LRRK1: variants seen among roughly 807,000 people sequenced by gnomAD.
LRRK1 encodes leucine rich repeat kinase 1, also known as leucine-rich repeat serine/threonine-protein kinase 1.
In LRRK1, 113 loss-of-function variants were observed where a neutral mutation model predicts 209.1. That is an observed-to-expected ratio of 0.54 (90% confidence interval 0.46 to 0.63). The LOEUF (loss-of-function observed/expected upper bound fraction) is 0.63. Ranked by LOEUF, LRRK1 falls within the 30% of genes least tolerant of loss-of-function variation. The pLI, the probability that LRRK1 is intolerant of heterozygous loss-of-function variation, is 0.00. For synonymous variants in LRRK1, 1,144 were observed against 1,099.7 expected (o/e 1.04, Z -0.80); for missense variants, 2,284 against 2,632.2 (o/e 0.87, Z 2.89).
intron 24 of LRRK1, 124 bp from the exon 25 acceptor site, chr15:101,052,798 G>A: frequency 3.3e-6 from 4 of 1,210,068 alleles, no homozygotes; most frequent in Non-Finnish European, 4.5e-6. Context: ...GGGTGGCCCA[G>A]ATCTGTCCAG....
chr15:100,983,547 C>T lies in LRRK1; in HGVS notation c.281C>T (p.Pro94Leu), dbSNP rs370948444. Reference sequence around the variant, plus strand: ...GACCAGGGCCAGCTTCTGAGCATCCCGGCAGCCTATGGGGATCTGGAGATG... The same window carrying T: ...GACCAGGGCCAGCTTCTGAGCATCCTGGCAGCCTATGGGGATCTGGAGATG... ...QLEKGQLLSI[P>L]AAYGDLEMVR... is the part of the protein sequence containing the mutation. Residue 94 changes from proline (P) to leucine (L), a missense_variant, in exon 4 of 34, where the codon CCG (proline) becomes CTG (leucine). Physicochemically the swap from Pro to Leu is moderately conservative, Grantham distance 98 (BLOSUM62 -3). This residue lies in a region of LRRK1 where 134 missense variants were observed against 191.7 expected (regional missense o/e 0.70). Coordinates refer to ENST00000388948, the MANE Select transcript of LRRK1 (RefSeq NM_024652.6). The T allele has an allele frequency of 6.2e-6, 10 of 1,603,508 alleles. No homozygotes were observed. In the African/African-American group the frequency reaches 6.7e-5, roughly 11 times the overall value.
rs199624259 is a variant in LRRK1, at chr15:101,051,908, G to C, written c.3637G>C (p.Val1213Leu). Residue 1213 changes from valine to leucine, a missense_variant, in exon 24 of 34, where the codon GTG becomes CTG. Around this residue, in one of 6 missense-constraint regions of LRRK1, gnomAD observed 780 missense variants for 985.2 expected, o/e 0.79. Coordinates refer to ENST00000388948, the MANE Select transcript of LRRK1 (RefSeq NM_024652.6). ...ISCPRHPDLP[V>L]PLQELVPELF... ...CTGCCCCAGACACCCGGACCTCCCC[G>C]TGCCGCTGCAGGAGCTGGTCCCTGA... 1.9e-6 allele frequency: 3 copies of C among 1,613,956 alleles called. No homozygotes were observed. The highest frequency in any genetic ancestry group is 2.2e-5 in the South Asian group (2 of 91,090).
rs773405155 is a variant in LRRK1, at chr15:101,065,621, G to A, written c.5184G>A (p.Glu1728=). 5.6e-6 allele frequency: 9 copies of A among 1,614,076 alleles called. No individual in the cohort carries two copies. The East Asian group carries it at 2.0e-4, about 36-fold the overall frequency. ...CCCTGGAGATCTGCAGGCGGCTGGA[G>A]CCCTACATGGCCCCCTCCATGGTTA... ...CASLEICRRL[E]PYMAPSMVTS... The change falls in exon 32 of 34, where the codon GAG becomes GAA. Residue 1728 remains glutamate, a synonymous_variant. Coordinates refer to ENST00000388948, the MANE Select transcript of LRRK1 (RefSeq NM_024652.6).
chr15:101,015,190 G>A (rs914092211), intron 11 of LRRK1, 136 bp from the exon 12 acceptor site: 26 of 671,156 alleles, frequency 3.9e-5, no homozygotes, highest in Non-Finnish European at 5.6e-5. Context: ...CCACTGCAGC[G>A]TGCGCCCCTG....
At position 101,008,142 on chromosome 15, in the gene LRRK1, C is replaced by CA. The variant is rs796213769; in HGVS notation, c.763-661dup. On this transcript the variant is annotated intron_variant, in intron 6 of 33. Coordinates refer to ENST00000388948, the MANE Select transcript of LRRK1 (RefSeq NM_024652.6). ...TGGGCGACAGAGCGAGACTCCATCT[C>CA]AAAAAAAAAAAAAAAAAAAAAAAAA... 4.2e-3 allele frequency among the ~76,000 whole-genome samples: 310 copies of CA among 74,136 alleles called. 9 individuals carry two copies. The highest frequency in any genetic ancestry group is 5.8e-3 in the African/African-American group (111 of 19,110). 48.6% of individuals were successfully genotyped at this position (74,136 alleles called of 152,430 possible).
At chr15:100,957,650 T>A (rs942302455) in intron 2 of LRRK1, among the ~76,000 whole-genome samples, 1 of 152,238 alleles carries the variant, frequency 6.6e-6, no homozygotes, top group African/African-American at 2.4e-5. Context: ...TGAAATATCT[T>A]TTGTCATTCC....
chr15:101,029,199 A>G lies in LRRK1; in HGVS notation c.2930A>G (p.Lys977Arg). The change falls in exon 20 of 34, where the codon AAG becomes AGG. Residue 977 changes from lysine to arginine, a missense_variant. Physicochemically the swap from Lys to Arg is conservative, Grantham distance 26. Around this residue, in one of 6 missense-constraint regions of LRRK1, gnomAD observed 780 missense variants for 985.2 expected, o/e 0.79. Transcript: ENST00000388948. The part of the protein sequence containing the change: ...TEEQYFQFLA[K>R]FEIALPVAND... ...GAGCAGTACTTCCAGTTCCTGGCCA[A>G]GTTTGAGATCGCCCTGCCCGTCGCC... The G allele has an allele frequency of 6.2e-7, 1 of 1,613,340 alleles. No homozygotes were observed.
At chr15:101,044,967 A>G (rs1217592508) in intron 20 of LRRK1, among the ~76,000 whole-genome samples, 1 of 152,212 alleles carries the variant, frequency 6.6e-6, no homozygotes, top group Non-Finnish European at 1.5e-5. Flanking sequence ...CAAGACCTGA[A>G]AGGCTGAAAA....
intron 20 of LRRK1, among the ~76,000 whole-genome samples, chr15:101,036,837 A>G (rs2141112269): frequency 6.6e-6 from 1 of 152,324 alleles, no homozygotes; most frequent in South Asian, 2.1e-4. Flanking sequence ...TTCTATGTAG[A>G]TGCAGTAGTG....
At position 101,012,126 on chromosome 15, in the gene LRRK1, T is replaced by G. The variant is rs1269637042; in HGVS notation, c.1400T>G (p.Leu467Arg). The change falls in exon 10 of 34, where the codon CTG becomes CGG. Residue 467 changes from leucine to arginine, a missense_variant. Physicochemically the swap from Leu to Arg is moderately radical, Grantham distance 102. Coordinates refer to ENST00000388948, the MANE Select transcript of LRRK1 (RefSeq NM_024652.6). ...FSENALKEVP[L>R]GLFQLDALMF... ...GAAAACGCACTCAAAGAAGTTCCCC[T>G]GGGACTTTTCCAGCTTGATGTAAGC... 3 of 1,608,828 alleles carry G rather than the reference T, an allele frequency of 1.9e-6. No homozygotes were observed. Among genetic ancestry groups the G allele is most frequent in the Non-Finnish European group, 2.5e-6 (3 of 1,178,738 alleles).
chr15:101,053,590 C>T (rs1265691310), intron 26 of LRRK1, among the ~76,000 whole-genome samples, 170 bp downstream of exon 26: 3 of 152,252 alleles, frequency 2.0e-5, no homozygotes, highest in South Asian at 2.1e-4. Flanking sequence ...CCGCCAGGTC[C>T]AGTCACTAGG....
chr15:101,003,672 C>A (rs557207587), intron 6 of LRRK1, among the ~76,000 whole-genome samples: 1 of 152,270 alleles, frequency 6.6e-6, no homozygotes, highest in African/African-American at 2.4e-5. Flanking sequence ...ATGGGGGAAA[C>A]CGCCCCATGA....
Position 101,053,416 on chromosome 15 carries a change from C to T in LRRK1, c.4050C>T (p.Ala1350=). 1 of 1,588,168 alleles carries T rather than the reference C, an allele frequency of 6.3e-7. No individual in the cohort carries two copies. The highest frequency in any genetic ancestry group is 1.1e-5 in the South Asian group (1 of 90,028). ...SSLNTVLSEN[A]RDSSFIPLGH... ...TCAACACCGTGCTGTCCGAGAACGC[C>T]AGAGGTACCGCGGCGCGCCGCCCCA... The change falls in exon 26 of 34, where the codon GCC becomes GCT. Residue 1350 remains alanine, a synonymous_variant. Transcript: ENST00000388948.
At chr15:101,057,867 C>A in intron 28 of LRRK1, 123 bp from the exon 29 acceptor site, 1 of 1,069,726 alleles carries the variant, frequency 9.3e-7, no homozygotes, top group Non-Finnish European at 1.4e-6. Context: ...TTGTTTGGAT[C>A]TAGTCTGAAT....
intron 20 of LRRK1, among the ~76,000 whole-genome samples, chr15:101,031,625 G>C (rs1164617278): frequency 6.6e-6 from 1 of 152,132 alleles, no homozygotes; most frequent in African/African-American, 2.4e-5. Context: ...AAAACCAGGA[G>C]TGGAATTGCT....
At chr15:101,002,227 G>A (rs1268714738) in intron 6 of LRRK1, among the ~76,000 whole-genome samples, 2 of 152,214 alleles carry the variant, frequency 1.3e-5, no homozygotes, top group African/African-American at 2.4e-5. Flanking sequence ...TCATGTGAAG[G>A]TGTCTAGCAC....
chr15:101,068,029 C>T (rs1339023430), intron 33 of LRRK1, among the ~76,000 whole-genome samples: 1 of 152,154 alleles, frequency 6.6e-6, no homozygotes, highest in Non-Finnish European at 1.5e-5. Flanking sequence ...ACGCAGGCCG[C>T]ACACACGGGA....
Position 101,022,423 on chromosome 15 carries a change from G to C in LRRK1, c.1893G>C (p.Arg631=). ...AMLSYLRAQL[R]KAEKCKLMKM... is the part of the protein sequence containing the mutation. ...TGTCTTACCTGCGTGCTCAGCTGCG[G>C]AAAGCGGAAAAGTGCAAGCTGATGA... The change falls in exon 15 of 34, where the codon CGG becomes CGC. Residue 631 remains arginine (R), a synonymous_variant. Transcript: ENST00000388948. This position sits in a 1 kb window ranked among gnomAD's most constrained non-coding sequence, Gnocchi z 4.0. 1 of 1,614,234 alleles carries C rather than the reference G, an allele frequency of 6.2e-7. No homozygotes were observed. Among genetic ancestry groups the C allele is most frequent in the Non-Finnish European group, 8.5e-7 (1 of 1,180,048 alleles).
chr15:100,976,930 C>T (rs1230067671), intron 3 of LRRK1, among the ~76,000 whole-genome samples: 1 of 152,162 alleles, frequency 6.6e-6, no homozygotes, highest in East Asian at 1.9e-4. Flanking sequence ...TGCAGAACTT[C>T]TGCTTCCGGG....
Sources: allele counts gnomAD v4.1 joint callset (sites outside exome capture counted in the v4.1 genomes callset), GRCh38; gene constraint gnomAD v4.1.1; regional missense constraint gnomAD v4.1.1; non-coding constraint Gnocchi (gnomAD v3.1); transcripts MANE v1.5; gene names NCBI Gene and HGNC (gene_info 2026-07-23, HGNC 2026-07-21).